The following MTHFD1L variants were observed in gnomAD, a reference collection of about 807,000 sequenced individuals.
MTHFD1L encodes the protein methylenetetrahydrofolate dehydrogenase (NADP+ dependent) 1 like.
A neutral mutation model predicts 119.5 loss-of-function variants in MTHFD1L; 81 were observed. The ratio of observed to expected loss-of-function variants is 0.68; its 90% CI spans 0.57 to 0.82. The LOEUF (loss-of-function observed/expected upper bound fraction) is 0.82, where lower values mean the gene tolerates loss of function less well. Among genes scored for constraint, MTHFD1L ranks in the 40% least tolerant of loss-of-function variants. The probability of loss-of-function intolerance (pLI) is 0.00; values close to 1 mark genes in which losing one functional copy is unlikely to be tolerated. For synonymous variants in MTHFD1L, 430 were observed against 475.2 expected (o/e 0.90, Z 1.24); for missense variants, 1,125 against 1,253.4 (o/e 0.90, Z 1.55).
intron 20 of MTHFD1L, among the ~76,000 whole-genome samples, chr6:151,003,563 C>T (rs962302053): frequency 4.6e-5 from 7 of 151,852 alleles, no homozygotes; most frequent in South Asian, 2.1e-4. Flanking sequence ...GTCAGAAAGA[C>T]GTTCTTTTTC....
At chr6:151,078,058 A>AAAG (rs1226649758) in intron 26 of MTHFD1L, among the ~76,000 whole-genome samples, 1 of 150,830 alleles carries the variant, frequency 6.6e-6, no homozygotes, top group African/African-American at 2.4e-5. Flanking sequence ...GTCTCAAAAA[A>AAAG]AAAAAAAAAA....
chr6:151,081,496 T>G, intron 26 of MTHFD1L, among the ~76,000 whole-genome samples: 1 of 52,552 alleles, frequency 1.9e-5, no homozygotes, highest in African/African-American at 8.2e-5. Context: ...CTACTAAAAA[T>G]GCAAAAAAAA....
chr6:150,932,574 A>G (rs1791248053), intron 11 of MTHFD1L, among the ~76,000 whole-genome samples: 2 of 152,302 alleles, frequency 1.3e-5, no homozygotes, highest in South Asian at 2.1e-4. Context: ...GTTTGAGACC[A>G]GCCTGGCCAA....
At chr6:151,022,252 G>A (rs1410773522) in intron 24 of MTHFD1L, 1 of 321,606 alleles carries the variant, frequency 3.1e-6, no homozygotes, top group Non-Finnish European at 6.3e-6. Context: ...TCTACATCTT[G>A]AAAATGCCAG....
chr6:150,973,353 GTT>G (rs1348308701), intron 20 of MTHFD1L, among the ~76,000 whole-genome samples: 1 of 152,200 alleles, frequency 6.6e-6, no homozygotes, highest in African/African-American at 2.4e-5. Flanking sequence ...TCCATGATCT[GTT>G]TTCTGCAGCT....
chr6:151,018,300 G>A (rs1263052416), intron 24 of MTHFD1L, among the ~76,000 whole-genome samples: 1 of 152,316 alleles, frequency 6.6e-6, no homozygotes, highest in Non-Finnish European at 1.5e-5. Flanking sequence ...AAGTGAAGAA[G>A]AAATCCGTGA....
intron 18 of MTHFD1L, among the ~76,000 whole-genome samples, chr6:150,963,162 C>A (rs761711695): frequency 1.3e-5 from 2 of 152,058 alleles, no homozygotes; most frequent in Admixed American, 6.6e-5. Flanking sequence ...GTGATCCACC[C>A]GCCTTGGCCT....
rs561614533 is a variant in MTHFD1L at position 150,871,910 on chromosome 6, C to T, written c.228-4180C>T. Among the ~76,000 whole-genome samples, 22 of 149,710 alleles carry T rather than the reference C, an allele frequency of 1.5e-4. 1 individual carries two copies. The highest frequency in any genetic ancestry group is 5.3e-4 in the African/African-American group (21 of 39,430). ...TATTTTATTTTTTGAGACAGTCTCA[C>T]TCTTTCACCCAGGCTGGAGTGCAGT... On this transcript the variant is annotated intron_variant, in intron 1 of 27. Coordinates refer to ENST00000367321, the MANE Select transcript of MTHFD1L (RefSeq NM_015440.5).
chr6:150,959,132 G>T (rs1621682), intron 17 of MTHFD1L: 269,208 of 919,080 alleles, frequency 0.29, 40,336 homozygotes, highest in East Asian at 0.49. Flanking sequence ...TGTAATAATT[G>T]AATATAGTTG....
At chr6:150,994,073 AAAAAAAAG>A (rs1234002181) in intron 20 of MTHFD1L, among the ~76,000 whole-genome samples, 2 of 79,218 alleles carry the variant, frequency 2.5e-5, no homozygotes, top group Non-Finnish European at 4.6e-5. Flanking sequence ...GTAAAAAAAA[AAAAAAAAG>A]AAAGAAAGAA....
intron 27 of MTHFD1L, among the ~76,000 whole-genome samples, chr6:151,095,955 A>G (rs1438991051): frequency 2.0e-5 from 3 of 152,258 alleles, no homozygotes; most frequent in Non-Finnish European, 2.9e-5. Context: ...AACTCTGCCC[A>G]GAGAAGTCGA....
At chr6:151,059,713 A>C (rs1393040950) in intron 26 of MTHFD1L, among the ~76,000 whole-genome samples, 2 of 151,590 alleles carry the variant, frequency 1.3e-5, no homozygotes, top group South Asian at 4.1e-4. Flanking sequence ...GCAGTTTCGA[A>C]AGTGGAAATG....
At chr6:150,949,230 C>A in intron 16 of MTHFD1L, 97 bp downstream of exon 16, 5 of 919,324 alleles carry the variant, frequency 5.4e-6, no homozygotes, top group Admixed American at 2.1e-5. Context: ...TTGATCCTGT[C>A]CAGTGATCTT....
intron 27 of MTHFD1L, among the ~76,000 whole-genome samples, chr6:151,095,889 G>A (rs1283375437): frequency 6.6e-6 from 1 of 152,232 alleles, no homozygotes; most frequent in African/African-American, 2.4e-5. Context: ...CCCATCACAT[G>A]TCATGCTGGC....
At chr6:150,944,271 C>A (rs1404664581) in intron 13 of MTHFD1L, among the ~76,000 whole-genome samples, 1 of 152,114 alleles carries the variant, frequency 6.6e-6, no homozygotes, top group Non-Finnish European at 1.5e-5. Flanking sequence ...CATAGCAAGA[C>A]CCCCATCTCC....
Position 151,023,183 on chromosome 6 carries a change from A to T in MTHFD1L, c.2586+7490A>T, listed in dbSNP as rs1407320247. Among the ~76,000 whole-genome samples the T allele has an allele frequency of 2.6e-5, 4 of 151,660 alleles. No homozygotes were observed. The Middle Eastern group carries it at 0.01, about 395-fold the overall frequency. On this transcript the variant is annotated intron_variant, in intron 24 of 27. Transcript: ENST00000367321. ...TGCCTCAGCCTCCTGAGTAGCTGGG[A>T]TTACAGGTGTGGGCCACTATGCCCA... is the stretch of plus-strand genomic sequence containing the variant.
At chr6:151,016,550 T>A (rs479755) in intron 24 of MTHFD1L, among the ~76,000 whole-genome samples, 1 of 151,612 alleles carries the variant, frequency 6.6e-6, no homozygotes, top group South Asian at 2.1e-4. Context: ...CTCAAACTCC[T>A]GATCTCATGG....
intron 11 of MTHFD1L, among the ~76,000 whole-genome samples, chr6:150,928,133 G>A (rs1423772109): frequency 7.2e-5 from 11 of 151,986 alleles, no homozygotes; most frequent in Admixed American, 7.2e-4. Flanking sequence ...CACAAATAAA[G>A]CAAAAATATT....
At position 150,922,216 on chromosome 6, in the gene MTHFD1L, T is replaced by A; in HGVS notation, c.996T>A (p.Ser332Arg). The change falls in exon 10 of 28, where the codon AGT (serine) becomes AGA (arginine). Residue 332 changes from serine (S) to arginine (R), a missense_variant. Coordinates refer to ENST00000367321, the MANE Select transcript of MTHFD1L (RefSeq NM_015440.5). The part of the protein sequence containing the change: ...AAALRIQNMV[S>R]SGRRWLREQQ... ...TATCCCTGCTGAAGAACATGGTCAG[T>A]AGTGGAAGGAGATGGCTTCGTGAAC... 1 of 1,613,966 alleles carries A rather than the reference T, an allele frequency of 6.2e-7. No homozygotes were observed. The highest frequency in any genetic ancestry group is 1.1e-5 in the South Asian group (1 of 91,068).
Sources: allele counts gnomAD v4.1 joint callset (sites outside exome capture counted in the v4.1 genomes callset), GRCh38; gene constraint gnomAD v4.1.1; transcripts MANE v1.5; gene names NCBI Gene and HGNC (gene_info 2026-07-23, HGNC 2026-07-21).